Variants in CD300LD observed in about 807,000 individuals in gnomAD.
CD300LD encodes CMRF35-like molecule 5.
In CD300LD, 18 loss-of-function variants were observed where a neutral mutation model predicts 20.3. The observed-to-expected ratio is 0.89, with a 90% CI of 0.61 to 1.32. The LOEUF is 1.32. Ranked by LOEUF, CD300LD falls within the 40% of genes most tolerant of loss-of-function variation. The probability of loss-of-function intolerance (pLI) is 0.00; values close to 1 mark genes in which losing one functional copy is unlikely to be tolerated. For missense variants in CD300LD, 195 were observed against 226.6 expected (o/e 0.86, Z 0.90); for synonymous variants, 104 against 90.1 (o/e 1.15, Z -0.87).
chr17:74,580,288 A>C (rs2030004795), intron 3 of CD300LD, among the ~76,000 whole-genome samples, 175 bp from the exon 4 acceptor site: 2 of 152,184 alleles, frequency 1.3e-5, no homozygotes, highest in African/African-American at 4.8e-5. Context: ...CGAGGCTCCC[A>C]GTCCTCCCTA....
At chr17:74,585,454 C>G (rs866497752) in intron 2 of CD300LD, among the ~76,000 whole-genome samples, 8 of 152,128 alleles carry the variant, frequency 5.3e-5, no homozygotes, top group South Asian at 2.1e-4. Flanking sequence ...TGTGTCACCC[C>G]CTCCAGTAGC....
chr17:74,586,786 G>A (rs562612811), intron 2 of CD300LD, among the ~76,000 whole-genome samples: 1 of 152,284 alleles, frequency 6.6e-6, no homozygotes, highest in South Asian at 2.1e-4. Context: ...AATTTACAGA[G>A]CATTACCTTA....
chr17:74,586,681 T>C (rs2030168628), intron 2 of CD300LD, among the ~76,000 whole-genome samples: 1 of 152,152 alleles, frequency 6.6e-6, no homozygotes, highest in Non-Finnish European at 1.5e-5. Flanking sequence ...CAGGTAACGT[T>C]AGTGGGAGGA....
chr17:74,580,177 C>A, intron 3 of CD300LD, 64 bp from the exon 4 acceptor site: 1 of 1,062,020 alleles, frequency 9.4e-7, no homozygotes, highest in Non-Finnish European at 1.4e-6. Flanking sequence ...GTCTTCTCAG[C>A]TCTATGCCCA....
chr17:74,582,332 A>C (rs554049763), intron 2 of CD300LD, 21 bp from the exon 3 acceptor site: 1 of 1,604,700 alleles, frequency 6.2e-7, no homozygotes, highest in Non-Finnish European at 8.5e-7. Flanking sequence ...AAAGCAGAAC[A>C]CGGTTCACCC....
chr17:74,586,507 C>A (rs113875984), intron 2 of CD300LD, among the ~76,000 whole-genome samples: 1 of 152,112 alleles, frequency 6.6e-6, no homozygotes, highest in Non-Finnish European at 1.5e-5. Flanking sequence ...TGGCACCCCC[C>A]TGTCGGGAAA....
chr17:74,589,938 C>T (rs1368350258), intron 1 of CD300LD, among the ~76,000 whole-genome samples: 3 of 152,180 alleles, frequency 2.0e-5, no homozygotes, highest in African/African-American at 7.2e-5. Flanking sequence ...CAGGCTGTGC[C>T]AGAGTGCTTG....
At chr17:74,585,239 G>A (rs186052718) in intron 2 of CD300LD, among the ~76,000 whole-genome samples, 7 of 152,252 alleles carry the variant, frequency 4.6e-5, no homozygotes, top group Admixed American at 6.5e-5. Flanking sequence ...GGATTAAAAC[G>A]GGCTCACCAA....
At chr17:74,587,579 T>C (rs2030194417) in intron 2 of CD300LD, among the ~76,000 whole-genome samples, 4 of 152,232 alleles carry the variant, frequency 2.6e-5, no homozygotes, top group Admixed American at 2.6e-4. Context: ...TAATTTTTCA[T>C]TGTGGTCTTA....
chr17:74,586,905 A>ATT (rs1181205614), intron 2 of CD300LD, among the ~76,000 whole-genome samples: 2 of 152,206 alleles, frequency 1.3e-5, no homozygotes, highest in African/African-American at 4.8e-5. Context: ...GCTACTGCTT[A>ATT]TTACCTGCCA....
At chr17:74,582,721 C>T (rs974239844) in intron 2 of CD300LD, among the ~76,000 whole-genome samples, 9 of 152,086 alleles carry the variant, frequency 5.9e-5, no homozygotes, top group Admixed American at 3.9e-4. Context: ...ATTCCTGGCT[C>T]TCTGCAGCCA....
In CD300LD at chr17:74,579,800, G is replaced by C. The variant is rs541771919; in HGVS notation, c.*202C>G. Reference sequence around the variant, plus strand: ...CTCTGGAGGTTGAGGCAGGAGGATCGCTTGAGCCTGGGAGGGGAAAGTTGC... The same window carrying C: ...CTCTGGAGGTTGAGGCAGGAGGATCCCTTGAGCCTGGGAGGGGAAAGTTGC... On this transcript the variant is annotated 3_prime_UTR_variant, in exon 4 of 4. Transcript: ENST00000375352. 2.3e-5 allele frequency: 8 copies of C among 352,398 alleles called. No homozygotes were observed. The highest frequency in any genetic ancestry group is 4.3e-5 in the Non-Finnish European group (8 of 185,840). 21.8% of individuals were successfully genotyped at this position (352,398 alleles called of 1,614,324 possible). A position where few individuals can be genotyped will look rare whatever the true frequency, so the allele number is the denominator to read the frequency against.
At chr17:74,589,554 G>C (rs930854523) in intron 1 of CD300LD, among the ~76,000 whole-genome samples, 6 of 152,240 alleles carry the variant, frequency 3.9e-5, no homozygotes, top group African/African-American at 1.4e-4. Flanking sequence ...GTCAGTTAAA[G>C]GGTGAGGAAC....
chr17:74,582,151 A>AC (rs1222258038), intron 3 of CD300LD, 67 bp downstream of exon 3: 9 of 1,282,532 alleles, frequency 7.0e-6, no homozygotes, highest in African/African-American at 5.9e-5. Flanking sequence ...GTATCTGGCA[A>AC]CCCCTGTTAG....
In CD300LD at chr17:74,580,466, C is replaced by T. The variant is rs372123980; in HGVS notation, c.474-353G>A. 1.4e-4 allele frequency among the ~76,000 whole-genome samples: 21 copies of T among 152,372 alleles called. 1 individual carries two copies. In the South Asian group the frequency reaches 3.7e-3, roughly 27 times the overall value. Reference sequence around the variant, plus strand: ...GCATTCTGCACCCAGAGGGCCTCTCCGCCCTCATCGCTGCCTGTGCAAACG... The same window carrying T: ...GCATTCTGCACCCAGAGGGCCTCTCTGCCCTCATCGCTGCCTGTGCAAACG... On this transcript the variant is annotated intron_variant, in intron 3 of 3. Transcript: ENST00000375352.
In CD300LD at chr17:74,579,953, G is replaced by A. The variant is rs1220321882; in HGVS notation, c.*49C>T. 4 of 1,172,064 alleles carry A rather than the reference G, an allele frequency of 3.4e-6. No individual in the cohort carries two copies. Among genetic ancestry groups the A allele is most frequent in the Admixed American group, 3.6e-5 (2 of 56,054 alleles). 72.6% of individuals were successfully genotyped at this position (1,172,064 alleles called of 1,614,324 possible). ...TGGGAGGGCCTTTCGCCCTGGACAG[G>A]ACGTCAATGGGCATTGGGACTCTCA... On this transcript the variant is annotated 3_prime_UTR_variant, in exon 4 of 4. Transcript: ENST00000375352.
At chr17:74,586,725 G>A (rs1442442962) in intron 2 of CD300LD, among the ~76,000 whole-genome samples, 1 of 152,096 alleles carries the variant, frequency 6.6e-6, no homozygotes, top group Non-Finnish European at 1.5e-5. Flanking sequence ...TGGTATTTGG[G>A]GACCTTTGCC....
intron 3 of CD300LD, among the ~76,000 whole-genome samples, chr17:74,581,567 G>A (rs2030037520): frequency 6.6e-6 from 1 of 152,230 alleles, no homozygotes; most frequent in African/African-American, 2.4e-5. Context: ...CAAACTTCCA[G>A]CTTCCCCCTT....
At chr17:74,578,786 A>G (rs1261174889), downstream of CD300LD, among the ~76,000 whole-genome samples, 1 of 152,076 alleles carries the variant, frequency 6.6e-6, no homozygotes, top group Non-Finnish European at 1.5e-5. Flanking sequence ...AATTTCTGTT[A>G]TTTAGCCTCT....
Sources: allele counts gnomAD v4.1 joint callset (sites outside exome capture counted in the v4.1 genomes callset), GRCh38; gene constraint gnomAD v4.1.1; transcripts MANE v1.5; gene names NCBI Gene and HGNC (gene_info 2026-07-23, HGNC 2026-07-21).